Variants in SLC25A26 observed in about 807,000 individuals in gnomAD.
The protein encoded by SLC25A26 is solute carrier family 25 member 26, also known as mitochondrial S-adenosylmethionine carrier protein.
A neutral mutation model predicts 37.8 loss-of-function variants in SLC25A26; 36 were observed. The observed-to-expected ratio is 0.95, with a 90% CI of 0.73 to 1.26. SLC25A26 has a LOEUF of 1.26. Among genes scored for constraint, SLC25A26 ranks in the 50% most tolerant of loss-of-function variants. SLC25A26 has a pLI of 0.00. For synonymous variants in SLC25A26, 129 were observed against 122.5 expected (o/e 1.05, Z -0.35); for missense variants, 390 against 331.1 (o/e 1.18, Z -1.38).
intron 1 of SLC25A26, among the ~76,000 whole-genome samples, chr3:66,167,687 T>A (rs2070443155): frequency 6.6e-6 from 1 of 152,236 alleles, no homozygotes; most frequent in Non-Finnish European, 1.5e-5. Flanking sequence ...AAGTGCTTAA[T>A]AAATATTATT....
At chr3:66,250,016 TC>T (rs1477825716) in intron 3 of SLC25A26, among the ~76,000 whole-genome samples, 1 of 152,230 alleles carries the variant, frequency 6.6e-6, no homozygotes, top group Non-Finnish European at 1.5e-5. Flanking sequence ...CTGGGAGTCT[TC>T]CTTCAGGGCA....
chr3:66,368,844 C>T (rs947679880), intron 7 of SLC25A26, among the ~76,000 whole-genome samples: 2 of 151,780 alleles, frequency 1.3e-5, no homozygotes, highest in African/African-American at 2.4e-5. Flanking sequence ...AGAGCAAGAC[C>T]CTGTCTCTAT....
intron 5 of SLC25A26, among the ~76,000 whole-genome samples, chr3:66,292,328 T>C (rs1246053444): frequency 6.6e-6 from 1 of 152,202 alleles, no homozygotes; most frequent in Non-Finnish European, 1.5e-5. Flanking sequence ...TATGTGTGAA[T>C]GTGATCCTGT....
At chr3:66,154,262 T>C (rs28534383) in intron 1 of SLC25A26, among the ~76,000 whole-genome samples, 51,359 of 152,036 alleles carry the variant, frequency 0.34, 8,904 homozygotes, top group African/African-American at 0.4. Flanking sequence ...CACACTGTAG[T>C]AGCTTCAGCA....
intron 5 of SLC25A26, among the ~76,000 whole-genome samples, chr3:66,315,165 C>A (rs901501483): frequency 3.4e-5 from 5 of 146,702 alleles, no homozygotes; most frequent in Admixed American, 6.9e-5. Flanking sequence ...CTTCTGCTAG[C>A]TTTGGGGTTT....
At chr3:66,377,186 G>A (rs1419154212) in intron 9 of SLC25A26, among the ~76,000 whole-genome samples, 1 of 152,144 alleles carries the variant, frequency 6.6e-6, no homozygotes, top group Admixed American at 6.5e-5. Context: ...GATACCAAGG[G>A]GACTGTGCAG....
chr3:66,328,605 T>A (rs2075896421), intron 5 of SLC25A26, among the ~76,000 whole-genome samples: 1 of 152,224 alleles, frequency 6.6e-6, no homozygotes, highest in African/African-American at 2.4e-5. Flanking sequence ...GTCATCTATA[T>A]TAAAAGATCT....
chr3:66,171,480 AC>A (rs1335704222), intron 1 of SLC25A26, among the ~76,000 whole-genome samples: 7 of 151,964 alleles, frequency 4.6e-5, no homozygotes, highest in African/African-American at 1.5e-4. Context: ...GCAATGAAGG[AC>A]CCTGAGATTT....
upstream of SLC25A26, among the ~76,000 whole-genome samples, chr3:66,218,807 A>G (rs966307373): frequency 1.5e-4 from 23 of 152,218 alleles, no homozygotes; most frequent in Non-Finnish European, 3.4e-4. Context: ...CTACCTGCCA[A>G]TAGCTAGCAC....
At chr3:66,296,787 TGGG>T (rs2074916012) in intron 5 of SLC25A26, among the ~76,000 whole-genome samples, 1 of 152,208 alleles carries the variant, frequency 6.6e-6, no homozygotes, top group African/African-American at 2.4e-5. Flanking sequence ...ATTTTAGTAC[TGGG>T]AAGAATTTTT....
intron 1 of SLC25A26, among the ~76,000 whole-genome samples, chr3:66,190,583 C>A (rs891436681): frequency 6.6e-6 from 1 of 151,978 alleles, no homozygotes; most frequent in African/African-American, 2.4e-5. Context: ...TGTGCACACC[C>A]GCACCTGGTT....
chr3:66,317,429 C>T (rs2075570579), intron 5 of SLC25A26, among the ~76,000 whole-genome samples: 1 of 152,118 alleles, frequency 6.6e-6, no homozygotes, highest in Non-Finnish European at 1.5e-5. Context: ...CCTCCCATCC[C>T]TGGAGGTATC....
upstream of SLC25A26, chr3:66,220,959 G>T: frequency 1.1e-6 from 1 of 930,500 alleles, no homozygotes; most frequent in Non-Finnish European, 1.7e-6. Context: ...TGCACGTGCA[G>T]TTGTTGTGGT....
At chr3:66,251,903 G>A (rs185788356) in intron 3 of SLC25A26, among the ~76,000 whole-genome samples, 2 of 152,050 alleles carry the variant, frequency 1.3e-5, no homozygotes, top group East Asian at 3.9e-4. Flanking sequence ...TTTTTATTTA[G>A]TTAGTGGACA....
chr3:66,249,736 C>T (rs556934533), intron 3 of SLC25A26, among the ~76,000 whole-genome samples: 52 of 152,122 alleles, frequency 3.4e-4, no homozygotes, highest in Non-Finnish European at 5.4e-4. Flanking sequence ...ATAAGTGAGT[C>T]GTGGGGGATA....
chr3:66,168,986 A>G (rs1376171109), intron 1 of SLC25A26, among the ~76,000 whole-genome samples: 1 of 152,120 alleles, frequency 6.6e-6, no homozygotes, highest in African/African-American at 2.4e-5. Context: ...TTAGCTTGGC[A>G]TGGTGGTGTG....
chr3:66,321,718 A>G (rs570163734), intron 5 of SLC25A26, among the ~76,000 whole-genome samples: 1 of 150,292 alleles, frequency 6.7e-6, no homozygotes, highest in East Asian at 2.0e-4. Flanking sequence ...GGGGGGTTGT[A>G]TCATGCTTTC....
chr3:66,355,586 T>C (rs2076556235), intron 6 of SLC25A26, among the ~76,000 whole-genome samples: 1 of 152,250 alleles, frequency 6.6e-6, no homozygotes, highest in Admixed American at 6.5e-5. Context: ...TTCCCAGTTA[T>C]GTTTGATACT....
At chr3:66,266,080 T>C (rs2073736831) in intron 5 of SLC25A26, among the ~76,000 whole-genome samples, 1 of 152,232 alleles carries the variant, frequency 6.6e-6, no homozygotes, top group Non-Finnish European at 1.5e-5. Flanking sequence ...TTGAAAGTAG[T>C]GTGACCTCAC....
Sources: allele counts gnomAD v4.1 joint callset (sites outside exome capture counted in the v4.1 genomes callset), GRCh38; gene constraint gnomAD v4.1.1; transcripts MANE v1.5; gene names NCBI Gene and HGNC (gene_info 2026-07-23, HGNC 2026-07-21).